The following PCDH15 variants were observed in gnomAD, a reference collection of about 807,000 sequenced individuals.
The protein encoded by PCDH15 is protocadherin related 15.
PCDH15 carries 129 observed loss-of-function variants against 178.5 expected under a neutral mutation model. That is an observed-to-expected ratio of 0.72 (90% CI 0.63 to 0.84). The LOEUF (loss-of-function observed/expected upper bound fraction) is 0.84, where lower values mean the gene tolerates loss of function less well. Among genes scored for constraint, PCDH15 ranks in the 40% least tolerant of loss-of-function variants. The pLI, the probability that PCDH15 is intolerant of heterozygous loss-of-function variation, is 0.00. For missense variants in PCDH15, 2,230 were observed against 2,099.9 expected, an observed-to-expected ratio of 1.06 and a Z score of -1.21; for synonymous variants, 800 against 732.0, an observed-to-expected ratio of 1.09 and a Z score of -1.50.
intron 27 of PCDH15, among the ~76,000 whole-genome samples, chr10:53,858,772 CT>C (rs1278376453): frequency 6.6e-6 from 1 of 152,090 alleles, no homozygotes; most frequent in East Asian, 1.9e-4. Flanking sequence ...TCTTGATTAT[CT>C]TTTTACAAAA....
At chr10:54,233,141 G>T (rs529439925) in intron 9 of PCDH15, among the ~76,000 whole-genome samples, 1 of 151,470 alleles carries the variant, frequency 6.6e-6, no homozygotes, top group South Asian at 2.1e-4. Context: ...ACAGGGTTTC[G>T]CCATATTGCC....
chr10:55,191,235 T>A (rs1330561126), intron 1 of PCDH15, among the ~76,000 whole-genome samples: 1 of 151,656 alleles, frequency 6.6e-6, no homozygotes, highest in Admixed American at 6.6e-5. Flanking sequence ...ACATATCCTG[T>A]TAGTTCTAAG....
chr10:54,173,270 C>T (rs1441350461), intron 13 of PCDH15, among the ~76,000 whole-genome samples: 4 of 152,084 alleles, frequency 2.6e-5, no homozygotes, highest in Non-Finnish European at 5.9e-5. Flanking sequence ...AGGTCATAAA[C>T]TATATGTTGA....
chr10:54,564,137 C>T (rs545799823), intron 2 of PCDH15, among the ~76,000 whole-genome samples: 2 of 151,786 alleles, frequency 1.3e-5, no homozygotes, highest in East Asian at 1.9e-4. Flanking sequence ...TTCCCCCCCA[C>T]ATCATACTGA....
intron 8 of PCDH15, among the ~76,000 whole-genome samples, chr10:54,285,508 A>G (rs989562211): frequency 2.0e-5 from 3 of 152,188 alleles, no homozygotes; most frequent in African/African-American, 7.2e-5. Flanking sequence ...TGGGAAATGC[A>G]CATAAAAACC....
intron 2 of PCDH15, among the ~76,000 whole-genome samples, chr10:55,074,937 T>C (rs746786732): frequency 1.3e-5 from 2 of 152,178 alleles, no homozygotes; most frequent in African/African-American, 4.8e-5. Context: ...TATGGATGGC[T>C]AGCCATTTCT....
At chr10:53,809,372 T>C in intron 37 of PCDH15, 3 of 1,613,990 alleles carry the variant, frequency 1.9e-6, no homozygotes, top group Non-Finnish European at 2.5e-6. Flanking sequence ...ACGATTCCTC[T>C]TTTATCAGCT....
intron 2 of PCDH15, among the ~76,000 whole-genome samples, chr10:54,931,054 A>G (rs1442305134): frequency 6.6e-6 from 1 of 152,140 alleles, no homozygotes; most frequent in Non-Finnish European, 1.5e-5. Context: ...GGAGTATTTT[A>G]CTTTCAAACT....
chr10:53,828,612 C>T (rs1432402821), intron 30 of PCDH15, 39 bp from the exon 31 acceptor site: 2 of 1,481,206 alleles, frequency 1.4e-6, no homozygotes, highest in African/African-American at 2.8e-5. Flanking sequence ...TAGAAAGCTA[C>T]ATTAGAACTA....
At chr10:55,282,283 T>C (rs917833690) in intron 1 of PCDH15, among the ~76,000 whole-genome samples, 5 of 152,214 alleles carry the variant, frequency 3.3e-5, no homozygotes, top group Non-Finnish European at 1.5e-5. Context: ...TTTGTCTATC[T>C]GCAGTACCTG....
chr10:55,234,410 AT>A (rs990996748), intron 1 of PCDH15, among the ~76,000 whole-genome samples: 36 of 149,542 alleles, frequency 2.4e-4, no homozygotes, highest in Non-Finnish European at 3.4e-4. Flanking sequence ...CAGATTTGTC[AT>A]TTTTTTTTTC....
At chr10:55,017,031 T>C (rs1332215959) in intron 2 of PCDH15, among the ~76,000 whole-genome samples, 1 of 151,976 alleles carries the variant, frequency 6.6e-6, no homozygotes, top group African/African-American at 2.4e-5. Flanking sequence ...GTTCTAACAT[T>C]AGTCAAAGAA....
intron 17 of PCDH15, among the ~76,000 whole-genome samples, chr10:54,075,221 CA>C (rs1371298039): frequency 6.6e-6 from 1 of 151,630 alleles, no homozygotes. Flanking sequence ...CCTAAAACTC[CA>C]AAAAAATAGC....
At chr10:55,475,720 T>C (rs1033090448) in intron 2 of PCDH15, among the ~76,000 whole-genome samples, 24 of 152,190 alleles carry the variant, frequency 1.6e-4, no homozygotes, top group African/African-American at 5.3e-4. Context: ...TATCTCATTA[T>C]GTATATGCAA....
At chr10:54,711,679 G>A (rs182177782) in intron 1 of PCDH15, among the ~76,000 whole-genome samples, 4 of 151,772 alleles carry the variant, frequency 2.6e-5, no homozygotes, top group South Asian at 2.1e-4. Flanking sequence ...CAAAAATGTC[G>A]ATAAATTCCT....
chr10:54,062,259 ACAAC>A (rs2094043730), intron 18 of PCDH15, among the ~76,000 whole-genome samples: 42 of 105,992 alleles, frequency 4.0e-4, no homozygotes, highest in African/African-American at 1.3e-3. Context: ...AAAACAAAAA[ACAAC>A]TAAATGAAAA....
intron 1 of PCDH15, among the ~76,000 whole-genome samples, chr10:54,779,200 C>T (rs1347151936): frequency 6.6e-6 from 1 of 151,036 alleles, no homozygotes; most frequent in Admixed American, 6.6e-5. Context: ...AATAAGTAAC[C>T]AAGGGTAAAT....
chr10:55,194,683 A>G (rs1840034507), intron 1 of PCDH15, among the ~76,000 whole-genome samples: 2 of 152,086 alleles, frequency 1.3e-5, no homozygotes, highest in Admixed American at 1.3e-4. Context: ...ATATAACTAG[A>G]CATATACCCA....
At chr10:55,447,945 C>T (rs577300497) in intron 2 of PCDH15, among the ~76,000 whole-genome samples, 1 of 151,884 alleles carries the variant, frequency 6.6e-6, no homozygotes, top group Non-Finnish European at 1.5e-5. Context: ...GAGTCACACA[C>T]ACAGTAGCTT....
Sources: allele counts gnomAD v4.1 joint callset (sites outside exome capture counted in the v4.1 genomes callset), GRCh38; gene constraint gnomAD v4.1.1; transcripts MANE v1.5; gene names NCBI Gene and HGNC (gene_info 2026-07-23, HGNC 2026-07-21).